BTG4: variants seen among roughly 807,000 people sequenced by gnomAD.
BTG4 encodes the protein protein BTG4.
In BTG4, 10 loss-of-function variants were observed where a neutral mutation model predicts 19.3. The observed-to-expected ratio is 0.52, with a 90% CI of 0.32 to 0.88. BTG4 has a LOEUF of 0.88. Among genes scored for constraint, BTG4 ranks in the 40% least tolerant of loss-of-function variants. BTG4 has a pLI of 0.04. For synonymous variants in BTG4, 91 were observed against 95.7 expected, an observed-to-expected ratio of 0.95 and a Z score of 0.29; for missense variants, 238 against 281.9, an observed-to-expected ratio of 0.84 and a Z score of 1.11.
chr11:111,507,862 T>C (rs1384817011), intron 1 of BTG4: 2 of 152,184 alleles, frequency 1.3e-5, no homozygotes, highest in African/African-American at 4.8e-5. Context: ...CAGGGACTGG[T>C]AGGTCAATGA....
chr11:111,478,004 C>T (rs1306151924), intron 5 of BTG4, among the ~76,000 whole-genome samples: 3 of 152,086 alleles, frequency 2.0e-5, no homozygotes, highest in Non-Finnish European at 2.9e-5. Context: ...TTCATCCCCA[C>T]AGGGTAGTTC....
the BTG4 span, among the ~76,000 whole-genome samples, chr11:111,439,438 A>T: frequency 6.6e-6 from 1 of 151,916 alleles, no homozygotes; most frequent in Non-Finnish European, 1.5e-5. Flanking sequence ...GCAGGAGAAG[A>T]CACCAGCCCA....
At chr11:111,509,911 C>CTTTTTTTTTTTTTTT (rs1450409427) in intron 1 of BTG4, among the ~76,000 whole-genome samples, 66 of 114,722 alleles carry the variant, frequency 5.8e-4, no homozygotes, top group Non-Finnish European at 7.8e-4. Flanking sequence ...TTTCTTTTTT[C>CTTTTTTTTTTTTTTT]TTTTTTTTTT....
intron 1 of BTG4, among the ~76,000 whole-genome samples, chr11:111,510,657 A>T (rs1363449181): frequency 2.6e-5 from 4 of 152,156 alleles, no homozygotes; most frequent in Admixed American, 6.5e-5. Flanking sequence ...TTTCAACAGA[A>T]CTAGGCCACA....
chr11:111,385,572 T>A, the BTG4 span: 1 of 151,878 alleles, frequency 6.6e-6, no homozygotes, highest in Non-Finnish European at 1.5e-5. Flanking sequence ...CATCATGATA[T>A]AATAATAATA....
chr11:111,437,716 A>G, the BTG4 span, among the ~76,000 whole-genome samples: 1 of 152,090 alleles, frequency 6.6e-6, no homozygotes, highest in Non-Finnish European at 1.5e-5. Context: ...GCAGCTCAGG[A>G]GCAGGCTCTT....
At chr11:111,434,359 C>T in the BTG4 span, among the ~76,000 whole-genome samples, 2 of 152,114 alleles carry the variant, frequency 1.3e-5, no homozygotes, top group African/African-American at 4.8e-5. Flanking sequence ...AATAAGAACA[C>T]ATGGACACAG....
intron 5 of BTG4, among the ~76,000 whole-genome samples, chr11:111,477,899 G>C (rs1002309062): frequency 2.0e-5 from 3 of 152,044 alleles, no homozygotes; most frequent in Non-Finnish European, 4.4e-5. Context: ...AGTTGAATGG[G>C]GAGTCTAGAG....
the BTG4 span, among the ~76,000 whole-genome samples, chr11:111,420,082 G>T: frequency 6.6e-6 from 1 of 152,196 alleles, no homozygotes; most frequent in South Asian, 2.1e-4. Context: ...TCCTAGAGAT[G>T]CCTAGGGTCC....
At chr11:111,432,511 G>A in the BTG4 span, among the ~76,000 whole-genome samples, 1 of 152,116 alleles carries the variant, frequency 6.6e-6, no homozygotes, top group African/African-American at 2.4e-5. Flanking sequence ...GGGCATGGTG[G>A]TGGGTGCCTG....
At chr11:111,403,039 T>C in the BTG4 span, among the ~76,000 whole-genome samples, 1 of 152,254 alleles carries the variant, frequency 6.6e-6, no homozygotes, top group African/African-American at 2.4e-5. Flanking sequence ...GCCTTCTGAA[T>C]TACCAAATCA....
At chr11:111,393,659 G>A in the BTG4 span, among the ~76,000 whole-genome samples, 1 of 152,208 alleles carries the variant, frequency 6.6e-6, no homozygotes, top group Admixed American at 6.5e-5. Flanking sequence ...CCAGAGTGTT[G>A]AAGGTCTAGC....
chr11:111,403,128 T>C, the BTG4 span, among the ~76,000 whole-genome samples: 1 of 152,312 alleles, frequency 6.6e-6, no homozygotes, highest in Admixed American at 6.5e-5. Context: ...ATGCCCATCA[T>C]CCTGTGAGCT....
chr11:111,420,474 G>T, the BTG4 span, among the ~76,000 whole-genome samples: 6 of 152,234 alleles, frequency 3.9e-5, no homozygotes, highest in Admixed American at 2.6e-4. Context: ...AGTGGGCATG[G>T]TAGGGTGTGG....
chr11:111,471,070 A>G (rs1286662391), intron 5 of BTG4, among the ~76,000 whole-genome samples: 2 of 152,204 alleles, frequency 1.3e-5, no homozygotes, highest in African/African-American at 4.8e-5. Context: ...AGAACATATC[A>G]TGTTTCAATA....
chr11:111,479,997 T>C (rs751781462), intron 5 of BTG4, among the ~76,000 whole-genome samples: 26 of 152,056 alleles, frequency 1.7e-4, no homozygotes, highest in Non-Finnish European at 2.5e-4. Context: ...CCTAACATAT[T>C]TATAATTGCA....
chr11:111,501,634 ATTG>A (rs1384752772), intron 1 of BTG4, among the ~76,000 whole-genome samples: 3 of 152,216 alleles, frequency 2.0e-5, no homozygotes, highest in Non-Finnish European at 2.9e-5. Context: ...ATAGGTAACA[ATTG>A]TTGTATATTT....
chr11:111,438,625 C>G, the BTG4 span, among the ~76,000 whole-genome samples: 2 of 152,196 alleles, frequency 1.3e-5, no homozygotes, highest in East Asian at 1.9e-4. Flanking sequence ...ACCGCCAGCA[C>G]CTAGCTCTGC....
the BTG4 span, chr11:111,400,948 A>G: frequency 6.6e-6 from 1 of 151,466 alleles, no homozygotes; most frequent in African/African-American, 2.4e-5. Context: ...ACTCTTCAAA[A>G]CTGTCAAGGT....
Sources: gnomAD v4.1 joint callset for allele counts (sites outside exome capture counted in the v4.1 genomes callset) on GRCh38, gnomAD v4.1.1 for gene constraint, MANE v1.5 for transcripts, NCBI Gene and HGNC (gene_info 2026-07-23, HGNC 2026-07-21) for gene names.